TRMO: variants seen among roughly 807,000 people sequenced by gnomAD.
TRMO encodes the protein tRNA (adenine(37)-N6)-methyltransferase.
A neutral mutation model predicts 37.2 loss-of-function variants in TRMO; 30 were observed. The ratio of observed to expected loss-of-function variants is 0.81; its 90% CI spans 0.60 to 1.09. The LOEUF (loss-of-function observed/expected upper bound fraction) is 1.09. Among genes scored for constraint, TRMO ranks in the 50% least tolerant of loss-of-function variants. The pLI, the probability that TRMO is intolerant of heterozygous loss-of-function variation, is 0.00. For synonymous variants in TRMO, 239 were observed against 199.4 expected, an observed-to-expected ratio of 1.20 and a Z score of -1.67; for missense variants, 552 against 549.5, an observed-to-expected ratio of 1.00 and a Z score of -0.05.
chr9:97,907,966 C>T (rs1825927913), intron 4 of TRMO, among the ~76,000 whole-genome samples: 1 of 152,130 alleles, frequency 6.6e-6, no homozygotes, highest in Admixed American at 6.5e-5. Context: ...CTCAGTGAGG[C>T]CCACTGGGGC....
At chr9:97,914,620 A>G (rs1826269530) in intron 2 of TRMO, among the ~76,000 whole-genome samples, 1 of 152,216 alleles carries the variant, frequency 6.6e-6, no homozygotes, top group African/African-American at 2.4e-5. Context: ...ATAGCCCTCC[A>G]TTAACAAGAG....
At position 97,916,389 on chromosome 9, in the gene TRMO, T is replaced by C. The variant is rs540193077; in HGVS notation, c.77-51A>G. 5 of 1,374,512 alleles carry C rather than the reference T, an allele frequency of 3.6e-6. No individual in the cohort carries two copies. The African/African-American group carries it at 4.4e-5, about 12-fold the overall frequency. The allele number at this position is 1,374,512 out of a possible 1,614,324, so 85.1% of individuals were successfully genotyped here. ...TTATTAGTCAAAAGGTCAAACCAAGTTGTAAGAAAACATGTTTTCTCTAAT... is the reference window on the plus strand; with the variant it reads ...TTATTAGTCAAAAGGTCAAACCAAGCTGTAAGAAAACATGTTTTCTCTAAT... On this transcript the variant is annotated intron_variant, in intron 1 of 4. Coordinates refer to ENST00000375119, the MANE Select transcript of TRMO (RefSeq NM_016481.5).
chr9:97,920,617 A>G (rs892008672), intron 1 of TRMO, among the ~76,000 whole-genome samples: 3 of 152,264 alleles, frequency 2.0e-5, no homozygotes, highest in African/African-American at 7.2e-5. Flanking sequence ...TTTAAACATT[A>G]CAACTGTATT....
At chr9:97,922,149 T>C (rs770970954) in intron 1 of TRMO, among the ~76,000 whole-genome samples, 45 of 152,266 alleles carry the variant, frequency 3.0e-4, no homozygotes, top group Middle Eastern at 3.4e-3. Flanking sequence ...GAAAAGCCCC[T>C]ACGCTGCACG....
chr9:97,911,058 C>A, intron 3 of TRMO: 1 of 420,766 alleles, frequency 2.4e-6, no homozygotes, highest in Admixed American at 2.8e-5. Flanking sequence ...ATATAGTAGT[C>A]CTCAGTATAT....
intron 4 of TRMO, 113 bp from the exon 5 acceptor site, chr9:97,905,105 G>C: frequency 8.7e-7 from 1 of 1,151,990 alleles, no homozygotes; most frequent in Non-Finnish European, 1.2e-6. Context: ...GACATGGACA[G>C]GGTTTGGAAA....
downstream of TRMO, among the ~76,000 whole-genome samples, chr9:97,903,739 T>C (rs969100405): frequency 2.6e-5 from 4 of 152,226 alleles, no homozygotes; most frequent in African/African-American, 9.6e-5. Context: ...CATCTTATTT[T>C]ATCACCAAAA....
chr9:97,913,591 TAAGAA>T (rs1439246442), intron 2 of TRMO, 33 bp from the exon 3 acceptor site: 2 of 1,427,682 alleles, frequency 1.4e-6, no homozygotes, highest in Non-Finnish European at 9.8e-7. Flanking sequence ...AACCACGGAA[TAAGAA>T]AAGAGCACAA....
Position 97,904,763 on chromosome 9 carries a change from A to C in TRMO, c.1296T>G (p.Pro432=), listed in dbSNP as rs771610012. The change falls in exon 5 of 5, where the codon CCT becomes CCG. Residue 432 remains proline (P), a synonymous_variant. Coordinates refer to ENST00000375119, the MANE Select transcript of TRMO (RefSeq NM_016481.5). ...ACCCTAGAGACACCAAGGACCCCACAGGGCCAGTCATATGAACAGGCTCAG... is the reference window on the plus strand; with the variant it reads ...ACCCTAGAGACACCAAGGACCCCACCGGGCCAGTCATATGAACAGGCTCAG... The part of the protein sequence containing the change: ...PASEPVHMTG[P]VGSLVSLGS 2.9e-5 allele frequency: 46 copies of C among 1,612,824 alleles called. No individual in the cohort carries two copies. The South Asian group carries it at 4.9e-4, about 17-fold the overall frequency.
the TRMO span, among the ~76,000 whole-genome samples, chr9:97,897,851 AAAATTTTTTTT>A: frequency 3.9e-5 from 6 of 152,086 alleles, no homozygotes; most frequent in Non-Finnish European, 8.8e-5. Context: ...CCTACTTTAA[AAAATTTTTTTT>A]AAATTTTTTT....
chr9:97,922,462 G>A lies in TRMO; in HGVS notation c.32C>T (p.Pro11Leu), dbSNP rs746111324. ...AACGCAGCCGCACGGGGTCGCTGTA[G>A]GCCGAGGCCCCGACTCCTCCAAGCC... MRGLEESGPR[P>L]TATPCGCVKP... is the part of the protein sequence containing the mutation. The change falls in exon 1 of 5, where the codon CCT (proline) becomes CTT (leucine). Residue 11 changes from proline to leucine, a missense_variant. Pro to Leu is a moderately conservative substitution (Grantham distance 98). Transcript: ENST00000375119. 7.6e-6 allele frequency: 12 copies of A among 1,588,246 alleles called. No individual in the cohort carries two copies. The highest frequency in any genetic ancestry group is 7.7e-6 in the Non-Finnish European group (9 of 1,168,562).
downstream of TRMO, among the ~76,000 whole-genome samples, chr9:97,903,236 C>T (rs1221336531): frequency 6.6e-6 from 1 of 152,012 alleles, no homozygotes; most frequent in Non-Finnish European, 1.5e-5. Context: ...CTACTGCACT[C>T]CAGCCTGGGC....
At chr9:97,922,134 T>G (rs1351152016) in intron 1 of TRMO, among the ~76,000 whole-genome samples, 1 of 152,110 alleles carries the variant, frequency 6.6e-6, no homozygotes, top group East Asian at 1.9e-4. Flanking sequence ...AGGAAACCCC[T>G]AAGAGAAAAG....
chr9:97,911,649 T>C (rs1826129684), intron 3 of TRMO: 1 of 152,198 alleles, frequency 6.6e-6, no homozygotes, highest in Admixed American at 6.5e-5. Context: ...TGTGGTAATT[T>C]GTTACACAAC....
chr9:97,922,376 T>C, intron 1 of TRMO, 42 bp downstream of exon 1: 5 of 1,396,996 alleles, frequency 3.6e-6, no homozygotes, highest in Non-Finnish European at 5.0e-6. Flanking sequence ...TGCCTGGGCC[T>C]AAACCTCTCC....
chr9:97,912,866 C>G (rs1454222601), intron 3 of TRMO: 4 of 1,267,720 alleles, frequency 3.2e-6, no homozygotes, highest in East Asian at 5.6e-5. Context: ...TTTAAAACTT[C>G]TACAACCTGA....
downstream of TRMO, among the ~76,000 whole-genome samples, chr9:97,903,134 G>A (rs1224904975): frequency 2.0e-5 from 3 of 152,010 alleles, no homozygotes; most frequent in African/African-American, 7.3e-5. Context: ...GGGGCATGGT[G>A]GCATGAGCCT....
At chr9:97,906,767 G>T (rs949001043) in intron 4 of TRMO, among the ~76,000 whole-genome samples, 4 of 151,548 alleles carry the variant, frequency 2.6e-5, no homozygotes, top group African/African-American at 9.7e-5. Flanking sequence ...GCTTGAACCC[G>T]GGAGGAGGCG....
At chr9:97,913,699 G>A in intron 2 of TRMO, 141 bp from the exon 3 acceptor site, 2 of 602,898 alleles carry the variant, frequency 3.3e-6, no homozygotes, top group Non-Finnish European at 5.8e-6. Flanking sequence ...CTTGTCATCT[G>A]GTAGGAAGAA....
Sources: allele counts gnomAD v4.1 joint callset (sites outside exome capture counted in the v4.1 genomes callset), GRCh38; gene constraint gnomAD v4.1.1; transcripts MANE v1.5; gene names NCBI Gene and HGNC (gene_info 2026-07-23, HGNC 2026-07-21).